Variants in RAPGEF5 observed in about 807,000 individuals in gnomAD.
The protein encoded by RAPGEF5 is M-Ras-regulated GEF.
In RAPGEF5, 65 loss-of-function variants were observed where a neutral mutation model predicts 125.2. The observed-to-expected ratio is 0.52, with a 90% confidence interval of 0.43 to 0.64. The LOEUF (loss-of-function observed/expected upper bound fraction) is 0.64, where lower values mean the gene tolerates loss of function less well. RAPGEF5 is among the 30% of genes least tolerant of loss of function. RAPGEF5 has a pLI of 0.00. For synonymous variants in RAPGEF5, 391 were observed against 385.9 expected (o/e 1.01, Z -0.16); for missense variants, 958 against 1,048.1 (o/e 0.91, Z 1.19).
intron 7 of RAPGEF5, among the ~76,000 whole-genome samples, chr7:22,265,072 G>C (rs1782250114): frequency 6.6e-6 from 1 of 152,018 alleles, no homozygotes; most frequent in Non-Finnish European, 1.5e-5. Context: ...ATCAAATCAG[G>C]GTAGTTGGGA....
intron 1 of RAPGEF5, among the ~76,000 whole-genome samples, chr7:22,328,458 G>A (rs1783855056): frequency 6.6e-6 from 1 of 152,172 alleles, no homozygotes; most frequent in African/African-American, 2.4e-5. Context: ...TTCTGCCAGT[G>A]TAACAACCTG....
chr7:22,336,276 C>T (rs767833808), intron 1 of RAPGEF5, among the ~76,000 whole-genome samples: 1 of 152,176 alleles, frequency 6.6e-6, no homozygotes, highest in Non-Finnish European at 1.5e-5. Context: ...ATAGTCTCAC[C>T]TTTATTCTGC....
chr7:22,283,038 T>TA (rs980605657), intron 6 of RAPGEF5, among the ~76,000 whole-genome samples: 7 of 121,456 alleles, frequency 5.8e-5, no homozygotes, highest in Non-Finnish European at 8.1e-5. Flanking sequence ...AAATATTCTG[T>TA]AAAAAAATAC....
At chr7:22,244,424 C>T (rs1439600140) in intron 7 of RAPGEF5, among the ~76,000 whole-genome samples, 1 of 152,018 alleles carries the variant, frequency 6.6e-6, no homozygotes, top group Non-Finnish European at 1.5e-5. Flanking sequence ...TACCTCCTGT[C>T]GGATCAGTAG....
intron 7 of RAPGEF5, among the ~76,000 whole-genome samples, chr7:22,255,515 T>C (rs1351919702): frequency 6.6e-6 from 1 of 151,926 alleles, no homozygotes; most frequent in Non-Finnish European, 1.5e-5. Flanking sequence ...ATCACCTGAC[T>C]CTGGGAGGTA....
At chr7:22,349,946 A>C (rs1784297989) in intron 1 of RAPGEF5, among the ~76,000 whole-genome samples, 1 of 152,176 alleles carries the variant, frequency 6.6e-6, no homozygotes, top group African/African-American at 2.4e-5. Context: ...AAGAAGACCT[A>C]CCACAGTGGC....
chr7:22,193,657 C>A, intron 10 of RAPGEF5: 1 of 1,550,700 alleles, frequency 6.4e-7, no homozygotes, highest in South Asian at 1.2e-5. Flanking sequence ...CCGGGAGCTG[C>A]CCATTGTGAA....
intron 1 of RAPGEF5, among the ~76,000 whole-genome samples, chr7:22,345,815 AG>A (rs1304152153): frequency 1.3e-5 from 2 of 151,900 alleles, no homozygotes; most frequent in African/African-American, 4.8e-5. Context: ...ACAGACACAT[AG>A]GGTTGCTGCC....
intron 7 of RAPGEF5, among the ~76,000 whole-genome samples, chr7:22,258,316 A>G (rs1217900439): frequency 6.6e-6 from 1 of 152,192 alleles, no homozygotes; most frequent in Non-Finnish European, 1.5e-5. Context: ...ACAGTGTGGT[A>G]TTGTTGAAAG....
At chr7:22,231,773 G>A (rs187126425) in intron 7 of RAPGEF5, among the ~76,000 whole-genome samples, 2 of 152,280 alleles carry the variant, frequency 1.3e-5, no homozygotes, top group East Asian at 3.9e-4. Context: ...AATATTTACG[G>A]AGCAGCTATT....
chr7:22,140,966 T>A (rs1185148877), intron 20 of RAPGEF5, among the ~76,000 whole-genome samples: 2 of 152,174 alleles, frequency 1.3e-5, no homozygotes, highest in African/African-American at 4.8e-5. Flanking sequence ...AAATATGAAG[T>A]ACTTAGCAGT....
intron 8 of RAPGEF5, among the ~76,000 whole-genome samples, chr7:22,225,187 A>G (rs1177031940): frequency 1.4e-4 from 22 of 152,186 alleles, no homozygotes; most frequent in Admixed American, 1.4e-3. Flanking sequence ...ATAAATATGT[A>G]AATAAAATGA....
At chr7:22,216,440 C>G (rs1785640316) in intron 9 of RAPGEF5, among the ~76,000 whole-genome samples, 1 of 152,192 alleles carries the variant, frequency 6.6e-6, no homozygotes, top group South Asian at 2.1e-4. Flanking sequence ...CATGTATCTT[C>G]CCATGGGTCC....
intron 1 of RAPGEF5, chr7:22,356,196 A>G: frequency 1.0e-6 from 1 of 985,486 alleles, no homozygotes; most frequent in Non-Finnish European, 1.2e-6. Context: ...AGGAAATCGT[A>G]TCTGAACACA....
At chr7:22,209,163 T>G (rs989462663) in intron 9 of RAPGEF5, among the ~76,000 whole-genome samples, 16 of 152,234 alleles carry the variant, frequency 1.1e-4, no homozygotes, top group African/African-American at 2.9e-4. Context: ...TGGCATTTAA[T>G]AGTTCAACAA....
intron 23 of RAPGEF5, among the ~76,000 whole-genome samples, chr7:22,131,376 C>T (rs1241812834): frequency 6.6e-6 from 1 of 152,124 alleles, no homozygotes; most frequent in African/African-American, 2.4e-5. Context: ...CTTCAATCTG[C>T]TTAATATAAA....
At chr7:22,141,617 T>G (rs1427543081) in intron 20 of RAPGEF5, among the ~76,000 whole-genome samples, 1 of 152,172 alleles carries the variant, frequency 6.6e-6, no homozygotes, top group African/African-American at 2.4e-5. Context: ...CCCAGAACAG[T>G]GGAACCTAGA....
chr7:22,198,690 A>G (rs192946496), intron 9 of RAPGEF5, among the ~76,000 whole-genome samples: 2 of 152,342 alleles, frequency 1.3e-5, no homozygotes, highest in African/African-American at 4.8e-5. Context: ...GGGAGGAATC[A>G]GCCACAACCA....
intron 5 of RAPGEF5, among the ~76,000 whole-genome samples, chr7:22,303,168 C>T (rs750532065): frequency 2.0e-5 from 3 of 152,208 alleles, no homozygotes; most frequent in Admixed American, 6.5e-5. Context: ...GCTGTTATTT[C>T]ATCATTCCTC....
Sources: allele counts gnomAD v4.1 joint callset (sites outside exome capture counted in the v4.1 genomes callset), GRCh38; gene constraint gnomAD v4.1.1; transcripts MANE v1.5; gene names NCBI Gene and HGNC (gene_info 2026-07-23, HGNC 2026-07-21).